MRE11: variants seen among roughly 807,000 people sequenced by gnomAD.
MRE11 encodes double-strand break repair protein MRE11.
A neutral mutation model predicts 91.7 loss-of-function variants in MRE11; 62 were observed. The observed-to-expected ratio is 0.68, with a 90% CI of 0.55 to 0.84. The LOEUF (loss-of-function observed/expected upper bound fraction) is 0.84. MRE11 is among the 40% of genes least tolerant of loss of function. The pLI, the probability that MRE11 is intolerant of heterozygous loss-of-function variation, is 0.00. For missense variants in MRE11, 796 were observed against 852.9 expected (o/e 0.93, Z 0.83); for synonymous variants, 273 against 271.4 (o/e 1.01, Z -0.06).
chr11:94,435,015 G>A (rs1047188977), intron 18 of MRE11, among the ~76,000 whole-genome samples: 4 of 152,126 alleles, frequency 2.6e-5, no homozygotes, highest in African/African-American at 7.2e-5. Context: ...ACGTATAAAA[G>A]CAAATGGTAA....
At chr11:94,453,168 T>G (rs1946159541) in intron 14 of MRE11, among the ~76,000 whole-genome samples, 1 of 152,216 alleles carries the variant, frequency 6.6e-6, no homozygotes, top group Non-Finnish European at 1.5e-5. Flanking sequence ...GTCATTCCTT[T>G]TCAAGACTGA....
intron 19 of MRE11, among the ~76,000 whole-genome samples, chr11:94,423,850 G>A (rs573259289): frequency 6.6e-6 from 1 of 152,214 alleles, no homozygotes; most frequent in Non-Finnish European, 1.5e-5. Context: ...GCTGGGGCTG[G>A]CACTCAAGTA....
the MRE11 span, among the ~76,000 whole-genome samples, chr11:94,506,591 TTG>T: frequency 6.8e-6 from 1 of 148,012 alleles, no homozygotes; most frequent in African/African-American, 2.6e-5. Flanking sequence ...ATTGCTTTTT[TTG>T]TTTTTTTTTT....
upstream of MRE11, chr11:94,498,737 T>C: frequency 1.7e-6 from 1 of 571,802 alleles, no homozygotes; most frequent in Non-Finnish European, 3.0e-6. Context: ...TTCTGTGGAG[T>C]TTGTGATTTT....
rs1432806116 is a variant in MRE11 at position 94,416,248 on chromosome 11, A to C, written c.*3877T>G. 6.6e-6 allele frequency: 1 copy of C among 152,244 alleles called. No homozygotes were observed. Among genetic ancestry groups the C allele is most frequent in the African/African-American group, 2.4e-5 (1 of 41,456 alleles). 9.4% of individuals were successfully genotyped at this position (152,244 alleles called of 1,614,324 possible). On this transcript the variant is annotated 3_prime_UTR_variant, in exon 20 of 20. Coordinates refer to ENST00000323929, the MANE Select transcript of MRE11 (RefSeq NM_005591.4). The stretch of plus-strand genomic sequence containing the variant: ...ACACATTCAATGTCTGAATTTGAAG[A>C]ATAAAAATGCATTGCTTTCACCACT...
At chr11:94,496,521 G>T, upstream of MRE11, 3 of 590,550 alleles carry the variant, frequency 5.1e-6, no homozygotes, top group Non-Finnish European at 8.6e-6. Flanking sequence ...GGGTTTAATT[G>T]TATATGTTTG....
intron 14 of MRE11, among the ~76,000 whole-genome samples, chr11:94,452,056 A>C (rs1379533329): frequency 1.3e-5 from 2 of 152,082 alleles, no homozygotes; most frequent in African/African-American, 2.4e-5. Context: ...AAATACAAAA[A>C]TTAGCTGGGC....
intron 13 of MRE11, among the ~76,000 whole-genome samples, chr11:94,457,887 T>TCTCTCACTCA (rs372404360): frequency 1.4e-5 from 2 of 144,220 alleles, no homozygotes; most frequent in Non-Finnish European, 3.0e-5. Flanking sequence ...TCTCTCTCTC[T>TCTCTCACTCA]CACACACACA....
At chr11:94,467,253 G>T (rs12269941) in intron 10 of MRE11, among the ~76,000 whole-genome samples, 1 of 152,082 alleles carries the variant, frequency 6.6e-6, no homozygotes, top group Non-Finnish European at 1.5e-5. Flanking sequence ...TTTATAACAC[G>T]ATAGAAAGGA....
rs539929757 is a variant in MRE11, at chr11:94,422,412, C to T, written c.2071-2231G>A. On this transcript the variant is annotated intron_variant, in intron 19 of 19. Coordinates refer to ENST00000323929, the MANE Select transcript of MRE11 (RefSeq NM_005591.4). ...TATGTCATGAAATCACCACCATGCG[C>T]CACCCTCTACATGACACATGTAGAG... 4.3e-4 allele frequency among the ~76,000 whole-genome samples: 65 copies of T among 152,152 alleles called. 1 individual carries two copies. In the South Asian group the frequency reaches 0.012, roughly 29 times the overall value.
upstream of MRE11, chr11:94,497,289 C>T: frequency 2.2e-6 from 1 of 461,118 alleles, no homozygotes; most frequent in Non-Finnish European, 3.8e-6. Flanking sequence ...TTTATTTAAT[C>T]ATCATGTATC....
At chr11:94,474,125 T>C (rs1481772618) in intron 7 of MRE11, among the ~76,000 whole-genome samples, 1 of 152,148 alleles carries the variant, frequency 6.6e-6, no homozygotes, top group Non-Finnish European at 1.5e-5. Flanking sequence ...CTAGTACGCA[T>C]TTGTGGATTT....
At chr11:94,510,415 T>A in the MRE11 span, among the ~76,000 whole-genome samples, 1 of 152,212 alleles carries the variant, frequency 6.6e-6, no homozygotes, top group Non-Finnish European at 1.5e-5. Context: ...GTTGACAGAA[T>A]GAACAGCATC....
rs547728478 is a variant in MRE11 at position 94,485,861 on chromosome 11, G to A, written c.314+63C>T. The A allele has an allele frequency of 2.3e-4, 344 of 1,486,788 alleles. No homozygotes were observed. In the African/African-American group the frequency reaches 4.0e-3, roughly 17 times the overall value. 92.1% of individuals were successfully genotyped at this position (1,486,788 alleles called of 1,614,324 possible). A position where few individuals can be genotyped will look rare whatever the true frequency, so the allele number is the denominator to read the frequency against. ...GAAGGCAAAACAGTTGTGTGTTTAC[G>A]TGTCTTATACAGCAAATACCATACA... On this transcript the variant is annotated intron_variant, in intron 4 of 19. Coordinates refer to ENST00000323929, the MANE Select transcript of MRE11 (RefSeq NM_005591.4).
chr11:94,455,957 C>T (rs1323617527), intron 14 of MRE11, among the ~76,000 whole-genome samples: 1 of 152,024 alleles, frequency 6.6e-6, no homozygotes, highest in East Asian at 1.9e-4. Flanking sequence ...TGTGGTGGTG[C>T]AGCCATAGTT....
chr11:94,420,294 C>CT, intron 19 of MRE11, 113 bp from the exon 20 acceptor site: 1 of 763,158 alleles, frequency 1.3e-6, no homozygotes, highest in South Asian at 1.5e-5. Flanking sequence ...ATGGGATAGA[C>CT]TTTATTTTTC....
At chr11:94,466,440 T>C (rs1946564400) in intron 10 of MRE11, 1 of 523,182 alleles carries the variant, frequency 1.9e-6, no homozygotes, top group East Asian at 5.6e-5. Flanking sequence ...CGGGAACAGA[T>C]TACCTACTGT....
At chr11:94,433,044 A>G (rs1945506993) in intron 18 of MRE11, among the ~76,000 whole-genome samples, 1 of 152,202 alleles carries the variant, frequency 6.6e-6, no homozygotes, top group South Asian at 2.1e-4. Flanking sequence ...AAGAAACCAG[A>G]AAATCAGTCT....
At chr11:94,429,322 C>T (rs1318436465) in intron 19 of MRE11, among the ~76,000 whole-genome samples, 2 of 152,116 alleles carry the variant, frequency 1.3e-5, no homozygotes, top group East Asian at 3.8e-4. Context: ...CCCAGCAATC[C>T]CATTACTGGC....
Sources: gnomAD v4.1 joint callset for allele counts (sites outside exome capture counted in the v4.1 genomes callset) on GRCh38, gnomAD v4.1.1 for gene constraint, MANE v1.5 for transcripts, NCBI Gene and HGNC (gene_info 2026-07-23, HGNC 2026-07-21) for gene names.